Variants in CACNA2D3 observed in about 807,000 individuals in gnomAD.
CACNA2D3 encodes the protein calcium voltage-gated channel auxiliary subunit alpha2delta 3.
Under a neutral mutation model 160.6 loss-of-function variants are expected in CACNA2D3, and 60 were observed. The observed-to-expected ratio is 0.37, with a 90% CI of 0.30 to 0.46. The LOEUF (loss-of-function observed/expected upper bound fraction) is 0.46. CACNA2D3 is among the 20% of genes least tolerant of loss of function. The pLI, the probability that CACNA2D3 is intolerant of heterozygous loss-of-function variation, is 1.00. For missense variants in CACNA2D3, 1,205 were observed against 1,365.0 expected (o/e 0.88, Z 1.85); for synonymous variants, 558 against 492.9 (o/e 1.13, Z -1.75).
chr3:55,025,941 CTT>C (rs113651713), intron 35 of CACNA2D3, among the ~76,000 whole-genome samples: 1 of 145,180 alleles, frequency 6.9e-6, no homozygotes, highest in African/African-American at 2.5e-5. Context: ...TGGGTTTTTT[CTT>C]TTTTTTTTTA....
At chr3:54,921,126 C>A (rs1036009455) in intron 27 of CACNA2D3, among the ~76,000 whole-genome samples, 4 of 152,188 alleles carry the variant, frequency 2.6e-5, no homozygotes, top group Admixed American at 1.3e-4. Context: ...ATGTAACTGA[C>A]AATGCAAGAA....
At chr3:54,258,561 G>A (rs1702343783) in intron 2 of CACNA2D3, among the ~76,000 whole-genome samples, 1 of 152,176 alleles carries the variant, frequency 6.6e-6, no homozygotes, top group South Asian at 2.1e-4. Flanking sequence ...TCATGAGCCT[G>A]AAGCCACCTT....
At chr3:54,999,552 G>A (rs1702935813) in intron 31 of CACNA2D3, among the ~76,000 whole-genome samples, 1 of 152,268 alleles carries the variant, frequency 6.6e-6, no homozygotes, top group East Asian at 1.9e-4. Flanking sequence ...TGTTTTTAGG[G>A]CTGTATTTGC....
chr3:54,854,414 T>C (rs554580501), intron 17 of CACNA2D3, among the ~76,000 whole-genome samples: 1 of 152,130 alleles, frequency 6.6e-6, no homozygotes, highest in Non-Finnish European at 1.5e-5. Flanking sequence ...TGGGTTTCTG[T>C]TGGGTGGGAG....
At chr3:54,603,565 G>A (rs1475811818) in intron 9 of CACNA2D3, among the ~76,000 whole-genome samples, 1 of 152,182 alleles carries the variant, frequency 6.6e-6, no homozygotes, top group Admixed American at 6.5e-5. Flanking sequence ...ACCCGGGGAA[G>A]GCTGTTCGTT....
chr3:54,190,718 A>G (rs4076707), intron 2 of CACNA2D3, among the ~76,000 whole-genome samples: 9,648 of 152,138 alleles, frequency 0.063, 375 homozygotes, highest in African/African-American at 0.097. Flanking sequence ...ATCTCTCCTT[A>G]TAAGATTATA....
At chr3:54,678,004 G>A (rs899837203) in intron 11 of CACNA2D3, among the ~76,000 whole-genome samples, 1 of 152,048 alleles carries the variant, frequency 6.6e-6, no homozygotes, top group African/African-American at 2.4e-5. Context: ...CAAAAATGTC[G>A]ATTATTTTAA....
intron 13 of CACNA2D3, among the ~76,000 whole-genome samples, chr3:54,795,599 T>C (rs1455159053): frequency 1.3e-5 from 2 of 152,214 alleles, no homozygotes; most frequent in African/African-American, 4.8e-5. Flanking sequence ...TTCTAAGTCT[T>C]GATTAGGTGG....
intron 13 of CACNA2D3, among the ~76,000 whole-genome samples, chr3:54,770,777 A>G (rs1011724242): frequency 1.3e-5 from 2 of 152,198 alleles, no homozygotes; most frequent in African/African-American, 4.8e-5. Context: ...GCCAGTGGTA[A>G]TTTTATCATA....
rs888745976 is a variant in CACNA2D3 at position 54,639,200 on chromosome 3, G to A, written c.1054-2928G>A. 3 of 152,030 alleles carry A rather than the reference G, an allele frequency of 2.0e-5. No individual in the cohort carries two copies. In the East Asian group the frequency reaches 5.8e-4, roughly 30 times the overall value. 9.4% of individuals were successfully genotyped at this position (152,030 alleles called of 1,614,324 possible). A position where few individuals can be genotyped will look rare whatever the true frequency, so the allele number is the denominator to read the frequency against. Reference sequence around the variant, plus strand: ...GCGGGACTTGCTGCTAAGGGTGAAGGAGAAGGGGTTGAGGGGTACTTGCCC... The same window carrying A: ...GCGGGACTTGCTGCTAAGGGTGAAGAAGAAGGGGTTGAGGGGTACTTGCCC... On this transcript the variant is annotated intron_variant, in intron 10 of 37. Transcript: ENST00000474759.
At chr3:54,502,180 T>G (rs1257040910) in intron 4 of CACNA2D3, among the ~76,000 whole-genome samples, 2 of 152,246 alleles carry the variant, frequency 1.3e-5, no homozygotes, top group Non-Finnish European at 2.9e-5. Context: ...ATTTTTGTCA[T>G]TAATTTTGGA....
At chr3:54,652,710 C>T (rs76670160) in intron 11 of CACNA2D3, among the ~76,000 whole-genome samples, 1,896 of 150,928 alleles carry the variant, frequency 0.013, 25 homozygotes, top group East Asian at 0.055. Flanking sequence ...CAGCAGCCAA[C>T]TTCTCTGGGC....
At chr3:54,333,625 G>C (rs913851229) in intron 3 of CACNA2D3, among the ~76,000 whole-genome samples, 1 of 152,014 alleles carries the variant, frequency 6.6e-6, no homozygotes, top group African/African-American at 2.4e-5. Context: ...AGCCCCCGGG[G>C]CAGCACTCAG....
In CACNA2D3 at chr3:54,292,059, C is replaced by T. The variant is rs919807915; in HGVS notation, c.205-28383C>T. ...TTCCAGCAAGTGTGCCAAGACCTTT[C>T]GGTGGTAGAAAGAAAAATCTTTTCA... On this transcript the variant is annotated intron_variant, in intron 2 of 37. Transcript: ENST00000474759. Among the ~76,000 whole-genome samples, 10 of 152,154 alleles carry T rather than the reference C, an allele frequency of 6.6e-5. No individual in the cohort carries two copies. In the East Asian group the frequency reaches 1.4e-3, roughly 21 times the overall value.
At chr3:54,499,977 A>G (rs528851410) in intron 4 of CACNA2D3, among the ~76,000 whole-genome samples, 2 of 152,256 alleles carry the variant, frequency 1.3e-5, no homozygotes, top group Admixed American at 1.3e-4. Context: ...TCAGTTACTG[A>G]TACAGGGGCA....
intron 3 of CACNA2D3, among the ~76,000 whole-genome samples, chr3:54,330,290 A>G (rs1480184317): frequency 6.6e-6 from 1 of 151,682 alleles, no homozygotes; most frequent in African/African-American, 2.4e-5. Flanking sequence ...ATATACTTAG[A>G]GAGCCTCCCC....
At position 54,265,320 on chromosome 3, in the gene CACNA2D3, T is replaced by C. The variant is rs138727564; in HGVS notation, c.205-55122T>C. On this transcript the variant is annotated intron_variant, in intron 2 of 37. Coordinates refer to ENST00000474759, the MANE Select transcript of CACNA2D3 (RefSeq NM_018398.3). ...ACCAAACACCACATGTTCTCACTCATAAGTGGGAGTTGAACAATGAGAACA... is the reference window on the plus strand; with the variant it reads ...ACCAAACACCACATGTTCTCACTCACAAGTGGGAGTTGAACAATGAGAACA... Among the ~76,000 whole-genome samples the C allele has an allele frequency of 3.5e-4, 54 of 152,138 alleles. 1 individual carries two copies. The highest frequency in any genetic ancestry group is 1.2e-3 in the African/African-American group (49 of 41,472).
chr3:54,815,316 C>G (rs71301902), intron 13 of CACNA2D3, among the ~76,000 whole-genome samples: 7,095 of 152,248 alleles, frequency 0.047, 236 homozygotes, highest in South Asian at 0.077. Context: ...CATAGACATT[C>G]TCAATACCAT....
chr3:54,303,518 T>C (rs925827232), intron 2 of CACNA2D3, among the ~76,000 whole-genome samples: 3 of 152,226 alleles, frequency 2.0e-5, no homozygotes, highest in Non-Finnish European at 4.4e-5. Flanking sequence ...GCAGAGTATG[T>C]TTGCACATAT....
Sources: gnomAD v4.1 joint callset for allele counts (sites outside exome capture counted in the v4.1 genomes callset) on GRCh38, gnomAD v4.1.1 for gene constraint, MANE v1.5 for transcripts, NCBI Gene and HGNC (gene_info 2026-07-23, HGNC 2026-07-21) for gene names.